PDGFRA: variants seen among roughly 807,000 people sequenced by gnomAD.
PDGFRA encodes the protein platelet-derived growth factor receptor alpha.
Under a neutral mutation model 121.5 loss-of-function variants are expected in PDGFRA, and 25 were observed. The observed-to-expected ratio is 0.21, with a 90% confidence interval of 0.15 to 0.29. The LOEUF (loss-of-function observed/expected upper bound fraction) is 0.29. Among genes scored for constraint, PDGFRA ranks in the 10% least tolerant of loss-of-function variants. The pLI is 1.00. For missense variants in PDGFRA, 1,008 were observed against 1,345.1 expected, an observed-to-expected ratio of 0.75 and a Z score of 3.92; for synonymous variants, 463 against 494.8, an observed-to-expected ratio of 0.94 and a Z score of 0.85.
chr4:54,245,344 A>T (rs556665830), intron 1 of PDGFRA, among the ~76,000 whole-genome samples: 1 of 152,254 alleles, frequency 6.6e-6, no homozygotes, highest in Non-Finnish European at 1.5e-5. Flanking sequence ...AGGGAAGCCC[A>T]TCAGACTAAC....
At chr4:54,288,698 A>G (rs1390892257) in intron 19 of PDGFRA, 101 bp from the exon 20 acceptor site, 3 of 789,734 alleles carry the variant, frequency 3.8e-6, no homozygotes, top group Non-Finnish European at 6.9e-6. Context: ...CTTCAAGGCT[A>G]TAGGATCTGA....
intron 1 of PDGFRA, among the ~76,000 whole-genome samples, chr4:54,247,785 C>G (rs1479616960): frequency 6.6e-6 from 1 of 152,104 alleles, no homozygotes; most frequent in South Asian, 2.1e-4. Context: ...TCAAATTGTC[C>G]CTGTTTGCGG....
chr4:54,249,957 A>G (rs1312462581), intron 1 of PDGFRA, among the ~76,000 whole-genome samples: 1 of 152,172 alleles, frequency 6.6e-6, no homozygotes, highest in Non-Finnish European at 1.5e-5. Context: ...ATCTTACCTT[A>G]TGGTCAAACT....
At chr4:54,251,523 T>C (rs1039560509) in intron 1 of PDGFRA, among the ~76,000 whole-genome samples, 10 of 152,230 alleles carry the variant, frequency 6.6e-5, no homozygotes, top group African/African-American at 2.4e-4. Context: ...AAACTGCTTA[T>C]TTTATGAAGG....
chr4:54,250,014 G>A (rs1483498207), intron 1 of PDGFRA, among the ~76,000 whole-genome samples: 2 of 152,008 alleles, frequency 1.3e-5, no homozygotes, highest in African/African-American at 2.4e-5. Flanking sequence ...TAAGAATTGG[G>A]TTTGACATTA....
chr4:54,286,091 C>G, intron 18 of PDGFRA, 128 bp downstream of exon 18: 6 of 973,452 alleles, frequency 6.2e-6, no homozygotes, highest in Non-Finnish European at 9.7e-6. Flanking sequence ...GGTCAGTACA[C>G]TGCCTTGGCA....
intron 16 of PDGFRA, among the ~76,000 whole-genome samples, chr4:54,282,510 G>C (rs7671994): frequency 6.6e-6 from 1 of 152,212 alleles, no homozygotes; most frequent in Non-Finnish European, 1.5e-5. Flanking sequence ...TAAATTGTTC[G>C]TAAGAAATCT....
chr4:54,277,239 T>A lies in PDGFRA; in HGVS notation c.1787-149T>A. 4.3e-6 allele frequency: 3 copies of A among 704,104 alleles called. No homozygotes were observed. The South Asian group carries it at 4.6e-5, about 11-fold the overall frequency. 43.6% of individuals were successfully genotyped at this position (704,104 alleles called of 1,614,324 possible). A position where few individuals can be genotyped will look rare whatever the true frequency, so the allele number is the denominator to read the frequency against. Reference sequence around the variant, plus strand: ...CTTCCCTGTGGGCTCAATTCCTTTTTTGACACGATGACTTGGAGGAGTCAT... The same window carrying A: ...CTTCCCTGTGGGCTCAATTCCTTTTATGACACGATGACTTGGAGGAGTCAT... On this transcript the variant is annotated intron_variant, in intron 12 of 22. Transcript: ENST00000257290.
chr4:54,254,465 C>A (rs1722240903), intron 1 of PDGFRA, among the ~76,000 whole-genome samples: 2 of 152,184 alleles, frequency 1.3e-5, no homozygotes, highest in African/African-American at 4.8e-5. Flanking sequence ...GTGGGTCCAC[C>A]ATGTCTGGAT....
At chr4:54,233,255 C>A (rs997650939) in intron 1 of PDGFRA, among the ~76,000 whole-genome samples, 2 of 152,216 alleles carry the variant, frequency 1.3e-5, no homozygotes, top group Non-Finnish European at 2.9e-5. Flanking sequence ...CCGCCGAGGA[C>A]TTGGTGGAGG....
rs2110325260 is a variant in PDGFRA at position 54,280,480 on chromosome 4, T to C, written c.2321T>C (p.Leu774Ser). ...RPASYKKKSM[L>S]DSEVKNLLSD... ...GCCTCATATAAGAAGAAATCTATGTTAGGTAAAAGTGTCTATACTCACTCT... is the reference window on the plus strand; with the variant it reads ...GCCTCATATAAGAAGAAATCTATGTCAGGTAAAAGTGTCTATACTCACTCT... The change falls in exon 16 of 23, where the codon TTA becomes TCA. Residue 774 changes from leucine (L) to serine (S), a missense_variant and splice_region_variant. By Grantham distance (145) the Leu-to-Ser change is moderately radical. This residue lies in a region of PDGFRA where 128 missense variants were observed against 147.6 expected (regional missense o/e 0.87). Transcript: ENST00000257290. The C allele has an allele frequency of 6.2e-7, 1 of 1,611,142 alleles. No homozygotes were observed. The highest frequency in any genetic ancestry group is 1.7e-4 in the Middle Eastern group (1 of 6,054).
Position 54,275,117 on chromosome 4 carries a change from G to A in PDGFRA, c.1786+144G>A. The A allele has an allele frequency of 3.6e-6, 3 of 837,890 alleles. No homozygotes were observed. The South Asian group carries it at 4.3e-5, about 12-fold the overall frequency. The allele number at this position is 837,890 out of a possible 1,614,324, so 51.9% of individuals were successfully genotyped here. A position where few individuals can be genotyped will look rare whatever the true frequency, so the allele number is the denominator to read the frequency against. ...AATTTGCTTTCAGAAATACATTTCT[G>A]TCTTGACAGTAAGTTAATTGGATCA... On this transcript the variant is annotated intron_variant, in intron 12 of 22. Transcript: ENST00000257290.
At chr4:54,274,449 C>A in intron 10 of PDGFRA, 82 bp from the exon 11 acceptor site, 1 of 996,196 alleles carries the variant, frequency 1.0e-6, no homozygotes, top group Non-Finnish European at 1.6e-6. Flanking sequence ...ATTCCTGGCT[C>A]AGACACAGCC....
chr4:54,296,477 C>T lies in PDGFRA; in HGVS notation c.*1205C>T, dbSNP rs1724890502. The T allele has an allele frequency of 4.3e-6, 1 of 231,614 alleles. No homozygotes were observed. Among genetic ancestry groups the T allele is most frequent in the African/African-American group, 2.2e-5 (1 of 45,116 alleles). 14.3% of individuals were successfully genotyped at this position (231,614 alleles called of 1,614,324 possible). A position where few individuals can be genotyped will look rare whatever the true frequency, so the allele number is the denominator to read the frequency against. On this transcript the variant is annotated 3_prime_UTR_variant, in exon 23 of 23. Coordinates refer to ENST00000257290, the MANE Select transcript of PDGFRA (RefSeq NM_006206.6). ...GTCAGAAGGATGCCCAGACATCAGC[C>T]TCCTTCTTTCACCCCTTACCCCAAA...
intron 4 of PDGFRA, 93 bp from the exon 5 acceptor site, chr4:54,264,826 G>T: frequency 3.4e-6 from 4 of 1,178,424 alleles, no homozygotes; most frequent in Admixed American, 2.1e-5. Flanking sequence ...TATTTTTCAG[G>T]GTTTTCTTAA....
intron 4 of PDGFRA, 30 bp downstream of exon 4, chr4:54,263,957 A>G (rs542106437): frequency 1.9e-6 from 3 of 1,606,988 alleles, no homozygotes; most frequent in South Asian, 2.2e-5. Context: ...CCTTCTTTAA[A>G]TAAGAGTAAC....
intron 1 of PDGFRA, among the ~76,000 whole-genome samples, chr4:54,232,738 C>G (rs1452954537): frequency 2.0e-5 from 3 of 152,218 alleles, no homozygotes; most frequent in Admixed American, 2.0e-4. Context: ...GTGCCCGCCA[C>G]CACGCCAGGC....
chr4:54,285,051 G>A (rs1185112625), intron 16 of PDGFRA, among the ~76,000 whole-genome samples: 2 of 151,536 alleles, frequency 1.3e-5, no homozygotes, highest in Non-Finnish European at 2.9e-5. Context: ...ATGCCACCAT[G>A]CCTGGCTAAT....
intron 1 of PDGFRA, among the ~76,000 whole-genome samples, chr4:54,245,532 C>T (rs1421031471): frequency 9.8e-5 from 15 of 152,288 alleles, no homozygotes; most frequent in African/African-American, 3.6e-4. Flanking sequence ...CTGTCACCAC[C>T]AGGCCTGCCC....
Sources: allele counts gnomAD v4.1 joint callset (sites outside exome capture counted in the v4.1 genomes callset), GRCh38; gene constraint gnomAD v4.1.1; regional missense constraint gnomAD v4.1.1; transcripts MANE v1.5; gene names NCBI Gene and HGNC (gene_info 2026-07-23, HGNC 2026-07-21).